The following MICAL3 variants were observed in gnomAD, a reference collection of about 807,000 sequenced individuals.
The protein encoded by MICAL3 is microtubule associated monooxygenase, calponin and LIM domain containing 3.
MICAL3 carries 62 observed loss-of-function variants against 207.4 expected under a neutral mutation model. That is an observed-to-expected ratio of 0.30 (90% CI 0.24 to 0.37). MICAL3 has a LOEUF of 0.37. MICAL3 is among the 10% of genes least tolerant of loss of function. The pLI, the probability that MICAL3 is intolerant of heterozygous loss-of-function variation, is 1.00. For missense variants in MICAL3, 2,368 were observed against 2,635.6 expected, an observed-to-expected ratio of 0.90 and a Z score of 2.22; for synonymous variants, 1,077 against 1,069.3, an observed-to-expected ratio of 1.01 and a Z score of -0.14.
intron 21 of MICAL3, among the ~76,000 whole-genome samples, chr22:17,828,709 T>A (rs1252935615): frequency 6.6e-6 from 1 of 152,156 alleles, no homozygotes; most frequent in East Asian, 1.9e-4. Context: ...CCCTGTGGGA[T>A]CCCTGTACTT....
chr22:17,862,095 G>C, intron 19 of MICAL3: 1 of 985,286 alleles, frequency 1.0e-6, no homozygotes, highest in Non-Finnish European at 1.2e-6. Context: ...CCTGGGACGT[G>C]GGTCTAGGGA....
rs201894833 is a variant in MICAL3 at position 17,976,561 on chromosome 22, G to A, written c.-75+47720C>T. Among the ~76,000 whole-genome samples the A allele has an allele frequency of 9.0e-3, 721 of 79,992 alleles. 5 individuals are homozygous for A. Among genetic ancestry groups the A allele is most frequent in the East Asian group, 0.016 (51 of 3,130 alleles). 52.5% of individuals were successfully genotyped at this position (79,992 alleles called of 152,430 possible). A position where few individuals can be genotyped will look rare whatever the true frequency, so the allele number is the denominator to read the frequency against. ...TGTGTGTGTGTGTGTGTGTGTGTGTGTATATATATATATATATATATATAT... is the reference window on the plus strand; with the variant it reads ...TGTGTGTGTGTGTGTGTGTGTGTGTATATATATATATATATATATATATAT... On this transcript the variant is annotated intron_variant, in intron 1 of 31. Coordinates refer to ENST00000441493, the MANE Select transcript of MICAL3 (RefSeq NM_015241.3).
chr22:17,864,109 C>T, intron 19 of MICAL3: 5 of 987,018 alleles, frequency 5.1e-6, no homozygotes, highest in Non-Finnish European at 6.0e-6. Flanking sequence ...TGAGAGAGGC[C>T]ATTTTAAGGA....
intron 19 of MICAL3, among the ~76,000 whole-genome samples, chr22:17,847,226 C>T (rs376858588): frequency 1.3e-5 from 2 of 152,188 alleles, no homozygotes; most frequent in South Asian, 2.1e-4. Context: ...AAGGGTGTCG[C>T]GTAGGAAATC....
In MICAL3 at chr22:17,940,126, G is replaced by C. The variant is rs1232350001; in HGVS notation, c.-74-33240C>G. On this transcript the variant is annotated intron_variant, in intron 1 of 31. Coordinates refer to ENST00000441493, the MANE Select transcript of MICAL3 (RefSeq NM_015241.3). ...CTGAGGCAAGGAAATGCCACCATCT[G>C]ATTATTTTCAATGTATCAATCAATT... Among the ~76,000 whole-genome samples, 4 of 152,336 alleles carry C rather than the reference G, an allele frequency of 2.6e-5. No individual in the cohort carries two copies. The South Asian group carries it at 6.2e-4, about 24-fold the overall frequency.
chr22:17,919,122 G>T (rs1004255045), intron 1 of MICAL3, among the ~76,000 whole-genome samples: 4 of 146,910 alleles, frequency 2.7e-5, no homozygotes, highest in African/African-American at 1.1e-4. Context: ...CCAGCCTGGA[G>T]TGCAGTGGCA....
rs143591054 is a variant in MICAL3, at chr22:17,987,368, C to T, written c.-75+36913G>A. On this transcript the variant is annotated intron_variant, in intron 1 of 31. Transcript: ENST00000441493. ...CTGTTCTGTTCAGGAGATGGCCTTCCTCCTGGAGGCAGCAGGGACTGGCAG... is the reference window on the plus strand; with the variant it reads ...CTGTTCTGTTCAGGAGATGGCCTTCTTCCTGGAGGCAGCAGGGACTGGCAG... 6.0e-3 allele frequency among the ~76,000 whole-genome samples: 918 copies of T among 152,346 alleles called. 10 individuals carry two copies. The highest frequency in any genetic ancestry group is 0.021 in the African/African-American group (883 of 41,570).
intron 19 of MICAL3, among the ~76,000 whole-genome samples, chr22:17,844,102 TC>T (rs2146081078): frequency 6.6e-6 from 1 of 152,312 alleles, no homozygotes; most frequent in South Asian, 2.1e-4. Flanking sequence ...CGCCTCGGCC[TC>T]CCAAAGTGCT....
chr22:17,913,560 A>T (rs1019335164), intron 1 of MICAL3, among the ~76,000 whole-genome samples: 15 of 151,776 alleles, frequency 9.9e-5, no homozygotes, highest in African/African-American at 3.6e-4. Flanking sequence ...TTTTCTCATG[A>T]CCAGCACTCT....
chr22:17,990,358 T>C (rs762673676), intron 1 of MICAL3, among the ~76,000 whole-genome samples: 201 of 152,286 alleles, frequency 1.3e-3, no homozygotes, highest in Non-Finnish European at 1.9e-3. Context: ...GAAGACTGTC[T>C]CTGGATGACA....
At position 17,818,240 on chromosome 22, in the gene MICAL3, C is replaced by T; in HGVS notation, c.4421G>A (p.Arg1474Lys). 6.5e-7 allele frequency: 1 copy of T among 1,533,900 alleles called. No homozygotes were observed. Among genetic ancestry groups the T allele is most frequent in the South Asian group, 1.2e-5 (1 of 84,010 alleles). ...PPGEEPATLR[R>K]KLREAEPNAS... Reference sequence around the variant, plus strand: ...ATTGGGCTCGGCCTCCCTGAGCTTCCTCCGCAAGGTGGCGGGCTCCTCGCC... The same window carrying T: ...ATTGGGCTCGGCCTCCCTGAGCTTCTTCCGCAAGGTGGCGGGCTCCTCGCC... The change falls in exon 26 of 32, where the codon AGG (arginine) becomes AAG (lysine). Residue 1474 changes from arginine to lysine, a missense_variant. Arg to Lys is a conservative substitution (Grantham distance 26). This residue lies in a region of MICAL3 where 1,770 missense variants were observed against 1,863.2 expected (regional missense o/e 0.95). Coordinates refer to ENST00000441493, the MANE Select transcript of MICAL3 (RefSeq NM_015241.3).
At position 17,928,378 on chromosome 22, in the gene MICAL3, G is replaced by A. The variant is rs553743889; in HGVS notation, c.-74-21492C>T. Among the ~76,000 whole-genome samples the A allele has an allele frequency of 2.3e-3, 346 of 151,932 alleles. 2 individuals are homozygous for A. Among genetic ancestry groups the A allele is most frequent in the Non-Finnish European group, 2.6e-3 (178 of 67,982 alleles). On this transcript the variant is annotated intron_variant, in intron 1 of 31. Coordinates refer to ENST00000441493, the MANE Select transcript of MICAL3 (RefSeq NM_015241.3). ...GGCGTGAACCCGGGAGGCGGAGCTT[G>A]CAGTGAGCCAAGATTGCACCACTGC...
chr22:17,932,396 G>A (rs1004507138), intron 1 of MICAL3, among the ~76,000 whole-genome samples: 8 of 152,160 alleles, frequency 5.3e-5, no homozygotes, highest in African/African-American at 1.9e-4. Context: ...AAGTGAAGGA[G>A]AAATAAAATC....
rs763950879 is a variant in MICAL3, at chr22:17,901,936, C to T, written c.633G>A (p.Val211=). The T allele has an allele frequency of 6.2e-7, 1 of 1,613,886 alleles. No individual in the cohort carries two copies. Among genetic ancestry groups the T allele is most frequent in the Admixed American group, 1.7e-5 (1 of 60,030 alleles). ...RALVHPKTHP[V]SEYEFEVIIG... is the part of the protein sequence containing the mutation. ...TGATCACTTCAAATTCATACTCTGACACAGGATGAGTCTTGGGGTGCACCA... is the reference window on the plus strand; with the variant it reads ...TGATCACTTCAAATTCATACTCTGATACAGGATGAGTCTTGGGGTGCACCA... Residue 211 remains valine (V), a synonymous_variant, in exon 5 of 32, where the codon GTG becomes GTA. Transcript: ENST00000441493.
chr22:17,954,079 G>A (rs1221365996), intron 1 of MICAL3, among the ~76,000 whole-genome samples: 9 of 151,940 alleles, frequency 5.9e-5, no homozygotes, highest in East Asian at 1.9e-4. Context: ...GATGTAATAC[G>A]GGAAACTATG....
chr22:17,986,980 T>A (rs1336692368), intron 1 of MICAL3, among the ~76,000 whole-genome samples: 1 of 152,076 alleles, frequency 6.6e-6, no homozygotes, highest in Non-Finnish European at 1.5e-5. Context: ...GGCTCACATC[T>A]GTAATTCCAA....
At chr22:17,834,340 C>T in intron 20 of MICAL3, 1 of 1,210,764 alleles carries the variant, frequency 8.3e-7, no homozygotes, top group African/African-American at 1.6e-5. Context: ...GTTCATTTAC[C>T]TGGATAAAAT....
intron 2 of MICAL3, 35 bp from the exon 3 acceptor site, chr22:17,904,874 C>A: frequency 6.8e-7 from 1 of 1,468,852 alleles, no homozygotes; most frequent in Middle Eastern, 1.7e-4. Flanking sequence ...GCAGGCGGCA[C>A]TTCCAACAAA....
intron 1 of MICAL3, among the ~76,000 whole-genome samples, chr22:17,951,649 G>C (rs768853957): frequency 6.6e-6 from 1 of 151,608 alleles, no homozygotes; most frequent in East Asian, 1.9e-4. Context: ...AATAACTAGA[G>C]AATTATCTAT....
Sources: allele counts gnomAD v4.1 joint callset (sites outside exome capture counted in the v4.1 genomes callset), GRCh38; gene constraint gnomAD v4.1.1; regional missense constraint gnomAD v4.1.1; transcripts MANE v1.5; gene names NCBI Gene and HGNC (gene_info 2026-07-23, HGNC 2026-07-21).